The following SMAD4 variants were observed in gnomAD, a reference collection of about 807,000 sequenced individuals.
SMAD4 encodes the protein MAD homolog 4.
SMAD4 carries 7 observed loss-of-function variants against 63.2 expected under a neutral mutation model. The ratio of observed to expected loss-of-function variants is 0.11; its 90% CI spans 0.06 to 0.21. SMAD4 has a LOEUF of 0.21. Among genes scored for constraint, SMAD4 ranks in the 10% least tolerant of loss-of-function variants. The pLI, the probability that SMAD4 is intolerant of heterozygous loss-of-function variation, is 1.00. For synonymous variants in SMAD4, 215 were observed against 235.4 expected (o/e 0.91, Z 0.79); for missense variants, 312 against 693.8 (o/e 0.45, Z 6.18).
chr18:51,063,771 A>C (rs938840474), intron 8 of SMAD4, among the ~76,000 whole-genome samples: 2 of 152,220 alleles, frequency 1.3e-5, no homozygotes, highest in African/African-American at 4.8e-5. Context: ...CAGTGAAGAC[A>C]CTTAGTGTAT....
chr18:51,056,521 A>G (rs1224325443), intron 5 of SMAD4, among the ~76,000 whole-genome samples: 2 of 149,394 alleles, frequency 1.3e-5, no homozygotes, highest in Admixed American at 1.4e-4. Flanking sequence ...CCGGGGGCTG[A>G]GGCAGGAGAA....
In SMAD4 at chr18:51,038,256, G is replaced by T. The variant is rs577090485; in HGVS notation, c.-128+7633G>T. Among the ~76,000 whole-genome samples the T allele has an allele frequency of 2.6e-4, 39 of 150,622 alleles. No homozygotes were observed. In the South Asian group the frequency reaches 4.9e-3, roughly 19 times the overall value. The stretch of plus-strand genomic sequence containing the variant: ...TAGGCTACAGAGCGAGACTGTGGGG[G>T]GGGGGGCAGTATGAGGAAGTGTGTC... On this transcript the variant is annotated intron_variant, in intron 1 of 11. Transcript: ENST00000342988.
At chr18:51,066,954 T>G (rs575274995) in intron 9 of SMAD4, 65 bp from the exon 10 acceptor site, 1 of 1,276,482 alleles carries the variant, frequency 7.8e-7, no homozygotes, top group Non-Finnish European at 1.1e-6. Flanking sequence ...TGCTATACAA[T>G]CTGAACTAAA....
At chr18:51,046,629 T>C (rs922573714) in intron 1 of SMAD4, among the ~76,000 whole-genome samples, 1 of 152,134 alleles carries the variant, frequency 6.6e-6, no homozygotes, top group African/African-American at 2.4e-5. Flanking sequence ...ACTAGTAAAG[T>C]CAGTAAGACT....
rs1555685670 is a variant in SMAD4 at position 51,054,951 on chromosome 18, A to G, written c.625A>G (p.Thr209Ala). The G allele has an allele frequency of 6.2e-7, 1 of 1,614,202 alleles. No individual in the cohort carries two copies. Among genetic ancestry groups the G allele is most frequent in the South Asian group, 1.1e-5 (1 of 91,086 alleles). Residue 209 changes from threonine to alanine, a missense_variant, in exon 5 of 12, where the codon ACC (threonine) becomes GCC (alanine). Thr to Ala is a moderately conservative substitution (Grantham distance 58). Around this residue, in one of 4 missense-constraint regions of SMAD4, gnomAD observed 169 missense variants for 211.0 expected, o/e 0.80. Transcript: ENST00000342988. ...ALLAPSESNA[T>A]STANFPNIPV... Reference sequence around the variant, plus strand: ...GTTAGCCCCATCTGAGTCTAATGCTACCAGCACTGCCAACTTTCCCAACAT... The same window carrying G: ...GTTAGCCCCATCTGAGTCTAATGCTGCCAGCACTGCCAACTTTCCCAACAT...
At chr18:51,066,934 A>G in intron 9 of SMAD4, 85 bp from the exon 10 acceptor site, 3 of 1,025,074 alleles carry the variant, frequency 2.9e-6, no homozygotes, top group Non-Finnish European at 3.0e-6. Context: ...TAATTTTTCA[A>G]TATTAAGCAT....
In SMAD4 at chr18:51,054,746, A is replaced by T. The variant is rs1424497291; in HGVS notation, c.455-35A>T. ...TTTTTTTTTCTGGGAATAGAAGCTT[A>T]TAAAAATTTAAAATATGTTTAATTT... On this transcript the variant is annotated intron_variant, in intron 4 of 11. Transcript: ENST00000342988. 17 of 1,477,128 alleles carry T rather than the reference A, an allele frequency of 1.2e-5. No individual in the cohort carries two copies. In the East Asian group the frequency reaches 3.9e-4, roughly 34 times the overall value. The allele number at this position is 1,477,128 out of a possible 1,614,324, so 91.5% of individuals were successfully genotyped here. A position where few individuals can be genotyped will look rare whatever the true frequency, so the allele number is the denominator to read the frequency against.
intron 1 of SMAD4, among the ~76,000 whole-genome samples, chr18:51,035,682 CTG>C (rs1350344119): frequency 2.0e-5 from 3 of 152,168 alleles, no homozygotes; most frequent in African/African-American, 4.8e-5. Context: ...AATTAATACA[CTG>C]TGAGACATTT....
chr18:51,081,441 A>G lies in SMAD4; in HGVS notation c.*2974A>G, dbSNP rs1292264955. 4.3e-6 allele frequency: 1 copy of G among 230,588 alleles called. No homozygotes were observed. The highest frequency in any genetic ancestry group is 2.2e-5 in the African/African-American group (1 of 45,140). The allele number at this position is 230,588 out of a possible 1,614,324, so 14.3% of individuals were successfully genotyped here. ...TTTAATAGTTTACCGCCCCTGGTAT[A>G]CAAAGATAATGACAATAAATCACTG... On this transcript the variant is annotated 3_prime_UTR_variant, in exon 12 of 12. Transcript: ENST00000342988.
chr18:51,038,976 A>G (rs549131608), intron 1 of SMAD4, among the ~76,000 whole-genome samples: 1 of 152,236 alleles, frequency 6.6e-6, no homozygotes, highest in East Asian at 1.9e-4. Context: ...GCATGGTGGT[A>G]CATGTCTGTA....
intron 8 of SMAD4, among the ~76,000 whole-genome samples, chr18:51,063,198 T>A (rs534915044): frequency 6.6e-6 from 1 of 152,148 alleles, no homozygotes; most frequent in Non-Finnish European, 1.5e-5. Context: ...TTAAAACAAT[T>A]TAACATTTGG....
intron 11 of SMAD4, among the ~76,000 whole-genome samples, chr18:51,077,997 G>C (rs1910512694): frequency 6.6e-6 from 1 of 152,206 alleles, no homozygotes; most frequent in Non-Finnish European, 1.5e-5. Flanking sequence ...AATAGGTGAG[G>C]TGTTGGTGGA....
At chr18:51,038,654 A>C (rs1034383759) in intron 1 of SMAD4, among the ~76,000 whole-genome samples, 1 of 152,250 alleles carries the variant, frequency 6.6e-6, no homozygotes, top group Non-Finnish European at 1.5e-5. Context: ...GCTGTCTCCT[A>C]TTAAGCTAGG....
intron 8 of SMAD4, among the ~76,000 whole-genome samples, chr18:51,062,036 G>T (rs1470469001): frequency 6.6e-6 from 1 of 152,190 alleles, no homozygotes; most frequent in Non-Finnish European, 1.5e-5. Flanking sequence ...GGGTTACTGT[G>T]CTGGCTAGCA....
rs868317953 is a variant in SMAD4 at position 51,030,813 on chromosome 18, C to T, written c.-128+190C>T. ...CCGGGCGGGCCGGCTGAATGCCGGGCGGCGGTGCCTCGCGTCCCTCGGGCC... is the reference window on the plus strand; with the variant it reads ...CCGGGCGGGCCGGCTGAATGCCGGGTGGCGGTGCCTCGCGTCCCTCGGGCC... On this transcript the variant is annotated intron_variant, in intron 1 of 11. Coordinates refer to ENST00000342988, the MANE Select transcript of SMAD4 (RefSeq NM_005359.6). 1.3e-4 allele frequency among the ~76,000 whole-genome samples: 20 copies of T among 151,666 alleles called. 1 individual carries two copies. The highest frequency in any genetic ancestry group is 4.2e-4 in the South Asian group (2 of 4,816).
chr18:51,046,943 A>G lies in SMAD4; in HGVS notation c.-104A>G, dbSNP rs767842443. ...AGGTTATCCTGAATACATGTCTAAC[A>G]ATTTTCCTTGCAACGTTAGCTGTTG... is the stretch of plus-strand genomic sequence containing the variant. On this transcript the variant is annotated 5_prime_UTR_variant, in exon 2 of 12. Transcript: ENST00000342988. The G allele has an allele frequency of 2.9e-6, 3 of 1,028,054 alleles. No individual in the cohort carries two copies. Among genetic ancestry groups the G allele is most frequent in the Admixed American group, 1.9e-5 (1 of 51,610 alleles). The allele number at this position is 1,028,054 out of a possible 1,614,324, so 63.7% of individuals were successfully genotyped here. A position where few individuals can be genotyped will look rare whatever the true frequency, so the allele number is the denominator to read the frequency against.
At chr18:51,057,690 C>A (rs1909880347) in intron 5 of SMAD4, among the ~76,000 whole-genome samples, 1 of 152,202 alleles carries the variant, frequency 6.6e-6, no homozygotes, top group African/African-American at 2.4e-5. Flanking sequence ...TTACTAGTAT[C>A]AGTGCTGATA....
intron 5 of SMAD4, among the ~76,000 whole-genome samples, chr18:51,056,564 G>A (rs1463632043): frequency 7.0e-6 from 1 of 143,504 alleles, no homozygotes; most frequent in African/African-American, 2.6e-5. Flanking sequence ...AGCTTGCAGT[G>A]AGCAGAGAGC....
chr18:51,047,959 AC>A (rs1213449220), intron 2 of SMAD4, among the ~76,000 whole-genome samples: 3 of 152,074 alleles, frequency 2.0e-5, no homozygotes, highest in South Asian at 2.1e-4. Context: ...ACCGGATTAC[AC>A]TTAGTCCTTT....
Sources: gnomAD v4.1 joint callset for allele counts (sites outside exome capture counted in the v4.1 genomes callset) on GRCh38, gnomAD v4.1.1 for gene constraint, gnomAD v4.1.1 regional missense constraint, MANE v1.5 for transcripts, NCBI Gene and HGNC (gene_info 2026-07-23, HGNC 2026-07-21) for gene names.